The following PUS10 variants were observed in gnomAD, a reference collection of about 807,000 sequenced individuals.
The protein encoded by PUS10 is tRNA pseudouridine synthase Pus10.
Under a neutral mutation model 75.0 loss-of-function variants are expected in PUS10, and 59 were observed. That is an observed-to-expected ratio of 0.79 (90% CI 0.64 to 0.98). The LOEUF (loss-of-function observed/expected upper bound fraction) is 0.98. PUS10 is among the 50% of genes least tolerant of loss of function. The pLI is 0.00. For synonymous variants in PUS10, 219 were observed against 211.6 expected, an observed-to-expected ratio of 1.03 and a Z score of -0.30; for missense variants, 650 against 614.4, an observed-to-expected ratio of 1.06 and a Z score of -0.61.
intron 4 of PUS10, among the ~76,000 whole-genome samples, chr2:60,975,557 G>A (rs907792541): frequency 6.6e-6 from 1 of 151,224 alleles, no homozygotes; most frequent in African/African-American, 2.4e-5. Flanking sequence ...GAATTACTAA[G>A]ATGATTGTAA....
chr2:60,998,586 A>G (rs112869407), intron 4 of PUS10, among the ~76,000 whole-genome samples: 1,912 of 152,186 alleles, frequency 0.013, 37 homozygotes, highest in African/African-American at 0.043. Flanking sequence ...CTACTCAGGG[A>G]GGCTGAAGCG....
chr2:60,994,090 G>C (rs913330709), intron 4 of PUS10, among the ~76,000 whole-genome samples: 1 of 151,746 alleles, frequency 6.6e-6, no homozygotes, highest in Non-Finnish European at 1.5e-5. Context: ...CGCCCGGCCA[G>C]ATCGACACTT....
In PUS10 at chr2:60,949,740, T is replaced by G. The variant is rs139890687; in HGVS notation, c.1309-1555A>C. Among the ~76,000 whole-genome samples the G allele has an allele frequency of 3.1e-3, 468 of 152,314 alleles. 3 individuals carry two copies. Among genetic ancestry groups the G allele is most frequent in the African/African-American group, 0.011 (455 of 41,568 alleles). On this transcript the variant is annotated intron_variant, in intron 15 of 17. Transcript: ENST00000316752. ...ATCAGTCTACTTAGGCTATGGACCA[T>G]TAAAAAAGACCCTTTCACCACTTAG...
chr2:60,996,663 C>A (rs1361666504), intron 4 of PUS10, among the ~76,000 whole-genome samples: 1 of 151,808 alleles, frequency 6.6e-6, no homozygotes, highest in Non-Finnish European at 1.5e-5. Flanking sequence ...TTCCAATAAA[C>A]GGGACGCATG....
At chr2:60,984,858 T>C (rs1042900665) in intron 4 of PUS10, among the ~76,000 whole-genome samples, 1 of 152,158 alleles carries the variant, frequency 6.6e-6, no homozygotes, top group Admixed American at 6.5e-5. Context: ...GTGCAGTACA[T>C]GCAGGTATAC....
intron 17 of PUS10, chr2:60,944,094 C>T (rs745543192): frequency 6.9e-5 from 23 of 332,230 alleles, no homozygotes; most frequent in Middle Eastern, 1.5e-3. Context: ...CACCACTGCA[C>T]TCCAGCCTGG....
chr2:60,979,562 T>C (rs1407179295), intron 4 of PUS10, among the ~76,000 whole-genome samples: 9 of 152,162 alleles, frequency 5.9e-5, no homozygotes, highest in Non-Finnish European at 1.3e-4. Flanking sequence ...ATCTCAAAAC[T>C]TTCTTCTTTT....
chr2:60,957,795 G>T (rs1675773526), intron 11 of PUS10, among the ~76,000 whole-genome samples: 2 of 152,252 alleles, frequency 1.3e-5, no homozygotes, highest in African/African-American at 2.4e-5. Context: ...TCAGCCCAGG[G>T]GGTGGAGTAT....
At chr2:60,967,646 A>G in intron 5 of PUS10, 33 bp from the exon 6 acceptor site, 2 of 1,461,054 alleles carry the variant, frequency 1.4e-6, no homozygotes, top group Non-Finnish European at 1.9e-6. Context: ...CACTGACATG[A>G]AAAACTTTAC....
At chr2:60,965,745 C>A in intron 6 of PUS10, 4 of 260,792 alleles carry the variant, frequency 1.5e-5, no homozygotes, top group Non-Finnish European at 2.9e-5. Context: ...ACTTTTTGGA[C>A]AAATGTGTAA....
At chr2:61,006,694 A>C in intron 3 of PUS10, 51 bp from the exon 4 acceptor site, 1 of 1,386,408 alleles carries the variant, frequency 7.2e-7, no homozygotes, top group Non-Finnish European at 1.0e-6. Flanking sequence ...TGAAAATATT[A>C]CTTACCCTAA....
At chr2:60,992,671 A>G (rs995310894) in intron 4 of PUS10, among the ~76,000 whole-genome samples, 4 of 152,204 alleles carry the variant, frequency 2.6e-5, no homozygotes, top group Admixed American at 2.6e-4. Context: ...TTATGTTAAT[A>G]CCTTTGCATC....
intron 4 of PUS10, among the ~76,000 whole-genome samples, chr2:61,003,571 G>T (rs1432558083): frequency 2.0e-5 from 3 of 151,080 alleles, no homozygotes; most frequent in Admixed American, 6.6e-5. Flanking sequence ...TTGAGACAGG[G>T]TCTTGCCCTG....
At chr2:61,007,942 T>C (rs1165815492) in intron 3 of PUS10, among the ~76,000 whole-genome samples, 1 of 151,486 alleles carries the variant, frequency 6.6e-6, no homozygotes, top group African/African-American at 2.4e-5. Context: ...ATTAGCTGGG[T>C]GGCGGGTGCC....
chr2:61,004,900 T>C (rs1191336065), intron 4 of PUS10, among the ~76,000 whole-genome samples: 1 of 152,188 alleles, frequency 6.6e-6, no homozygotes, highest in Non-Finnish European at 1.5e-5. Context: ...TGCTAAATAG[T>C]TTTCTGGCTA....
At position 60,962,823 on chromosome 2, in the gene PUS10, T is replaced by A; in HGVS notation, c.788+3A>T. The stretch of plus-strand genomic sequence containing the variant: ...GCTTCTTTGTTTCTAAACTTCTACT[T>A]ACTTAAGGAAATCCTCTTCCTTTAT... On this transcript the variant is annotated splice_donor_region_variant and intron_variant, in intron 9 of 17. Transcript: ENST00000316752. 6.3e-7 allele frequency: 1 copy of A among 1,584,058 alleles called. No homozygotes were observed. The highest frequency in any genetic ancestry group is 1.1e-5 in the South Asian group (1 of 87,196).
chr2:61,009,216 T>C (rs1450205695), intron 2 of PUS10, among the ~76,000 whole-genome samples: 2 of 152,214 alleles, frequency 1.3e-5, no homozygotes, highest in Non-Finnish European at 2.9e-5. Context: ...CTATCTCTAT[T>C]ATATATGTGA....
chr2:60,987,744 G>A (rs1487927499), intron 4 of PUS10, among the ~76,000 whole-genome samples: 5 of 152,054 alleles, frequency 3.3e-5, no homozygotes, highest in African/African-American at 7.2e-5. Context: ...CCAACATCAC[G>A]AAACCCCATC....
intron 4 of PUS10, among the ~76,000 whole-genome samples, chr2:60,981,339 A>C (rs1677378498): frequency 6.6e-6 from 1 of 151,986 alleles, no homozygotes; most frequent in Non-Finnish European, 1.5e-5. Flanking sequence ...CTGGAGTGCA[A>C]CAGCAAGATT....
Sources: gnomAD v4.1 joint callset for allele counts (sites outside exome capture counted in the v4.1 genomes callset) on GRCh38, gnomAD v4.1.1 for gene constraint, MANE v1.5 for transcripts, NCBI Gene and HGNC (gene_info 2026-07-23, HGNC 2026-07-21) for gene names.